MALRD1: variants seen among roughly 807,000 people sequenced by gnomAD.
The protein encoded by MALRD1 is MAM and LDL-receptor class A domain-containing protein 1.
In MALRD1, 247 loss-of-function variants were observed where a neutral mutation model predicts 242.1. The ratio of observed to expected loss-of-function variants is 1.02; its 90% CI spans 0.92 to 1.13. The LOEUF is 1.13. Among genes scored for constraint, MALRD1 ranks in the 50% most tolerant of loss-of-function variants. The probability of loss-of-function intolerance (pLI) is 0.00; values close to 1 mark genes in which losing one functional copy is unlikely to be tolerated. For synonymous variants in MALRD1, 995 were observed against 866.6 expected, an observed-to-expected ratio of 1.15 and a Z score of -2.60; for missense variants, 2,989 against 2,533.1, an observed-to-expected ratio of 1.18 and a Z score of -3.86.
At chr10:19,553,894 T>A (rs1007079775) in intron 32 of MALRD1, among the ~76,000 whole-genome samples, 3 of 152,188 alleles carry the variant, frequency 2.0e-5, no homozygotes, top group Admixed American at 6.6e-5. Flanking sequence ...CCAAGGTCCT[T>A]TCTAACTCTA....
At chr10:19,523,794 C>G (rs770124038) in intron 31 of MALRD1, among the ~76,000 whole-genome samples, 5 of 151,542 alleles carry the variant, frequency 3.3e-5, no homozygotes, top group Non-Finnish European at 7.4e-5. Flanking sequence ...CAACCAGAAG[C>G]TTCATTTTTG....
chr10:19,142,688 G>T (rs1833594070), intron 10 of MALRD1, among the ~76,000 whole-genome samples: 1 of 152,074 alleles, frequency 6.6e-6, no homozygotes, highest in Non-Finnish European at 1.5e-5. Context: ...CAAAATCATT[G>T]TTTTAATGAA....
At chr10:19,712,910 CA>C (rs1447732986) in intron 38 of MALRD1, among the ~76,000 whole-genome samples, 7 of 152,174 alleles carry the variant, frequency 4.6e-5, no homozygotes, top group Non-Finnish European at 1.0e-4. Context: ...GTCAATAGAA[CA>C]GAGCCACTCA....
rs372006890 is a variant in MALRD1, at chr10:19,108,540, G to A, written c.694+4465G>A. 1.4e-4 allele frequency among the ~76,000 whole-genome samples: 10 copies of A among 69,192 alleles called. 3 individuals are homozygous for A. The highest frequency in any genetic ancestry group is 8.0e-4 in the Admixed American group (5 of 6,270). The allele number at this position is 69,192 out of a possible 152,430, so 45.4% of individuals were successfully genotyped here. A position where few individuals can be genotyped will look rare whatever the true frequency, so the allele number is the denominator to read the frequency against. On this transcript the variant is annotated intron_variant, in intron 5 of 39. Coordinates refer to ENST00000454679, the MANE Select transcript of MALRD1 (RefSeq NM_001142308.3). ...CGCCATTCTCCTGCCTCAGCCTCCCGAGTAGCTGGGACTACAGGTGCCCGC... is the reference window on the plus strand; with the variant it reads ...CGCCATTCTCCTGCCTCAGCCTCCCAAGTAGCTGGGACTACAGGTGCCCGC...
At chr10:19,064,898 C>T (rs1340932094) in intron 1 of MALRD1, among the ~76,000 whole-genome samples, 1 of 151,912 alleles carries the variant, frequency 6.6e-6, no homozygotes, top group Non-Finnish European at 1.5e-5. Context: ...TGGAGCCATG[C>T]TTGTGGGGTG....
At chr10:19,426,804 A>G (rs1017391795) in intron 28 of MALRD1, among the ~76,000 whole-genome samples, 1 of 152,156 alleles carries the variant, frequency 6.6e-6, no homozygotes, top group Non-Finnish European at 1.5e-5. Context: ...CAAACAAACA[A>G]AAACATTCAG....
chr10:19,135,492 T>G (rs937876842), intron 9 of MALRD1, among the ~76,000 whole-genome samples: 2 of 152,194 alleles, frequency 1.3e-5, no homozygotes, highest in Non-Finnish European at 2.9e-5. Flanking sequence ...ATTCAGAAAC[T>G]TTAAGCTGGA....
At chr10:19,405,664 C>CA (rs1345000367) in intron 28 of MALRD1, among the ~76,000 whole-genome samples, 1 of 152,162 alleles carries the variant, frequency 6.6e-6, no homozygotes, top group African/African-American at 2.4e-5. Flanking sequence ...TGGCTGTACT[C>CA]AGAGTACAAA....
intron 36 of MALRD1, among the ~76,000 whole-genome samples, chr10:19,674,291 G>C (rs759531616): frequency 1.1e-4 from 17 of 152,132 alleles, no homozygotes; most frequent in Non-Finnish European, 1.9e-4. Context: ...CTAGTGCAAA[G>C]CCTAGCAAAT....
intron 32 of MALRD1, among the ~76,000 whole-genome samples, chr10:19,539,853 TGTGC>T (rs1197758193): frequency 5.4e-4 from 29 of 54,026 alleles, no homozygotes; most frequent in African/African-American, 1.9e-3. Flanking sequence ...CACCCAGCTT[TGTGC>T]GTGTGTGTGT....
intron 2 of MALRD1, among the ~76,000 whole-genome samples, chr10:19,072,555 G>T (rs1590389433): frequency 1.3e-5 from 2 of 151,978 alleles, no homozygotes; most frequent in East Asian, 3.9e-4. Flanking sequence ...CCCCGTGTCT[G>T]TTCAATATAA....
At chr10:19,115,491 A>T (rs953779756) in intron 5 of MALRD1, among the ~76,000 whole-genome samples, 3 of 152,178 alleles carry the variant, frequency 2.0e-5, no homozygotes, top group African/African-American at 7.2e-5. Context: ...GAACTTTACC[A>T]TATGTAAATT....
At chr10:19,563,396 C>T (rs1411944640) in intron 32 of MALRD1, among the ~76,000 whole-genome samples, 2 of 152,130 alleles carry the variant, frequency 1.3e-5, no homozygotes, top group African/African-American at 4.8e-5. Context: ...AACCCATAGG[C>T]AACTATGCAC....
chr10:19,281,963 C>CAAAAAAAA (rs149370838), intron 20 of MALRD1, among the ~76,000 whole-genome samples: 2 of 79,836 alleles, frequency 2.5e-5, no homozygotes, highest in Non-Finnish European at 4.7e-5. Flanking sequence ...ACGATGTCTC[C>CAAAAAAAA]AAAAAAAAAA....
intron 20 of MALRD1, among the ~76,000 whole-genome samples, chr10:19,280,691 C>T (rs546584371): frequency 9.2e-5 from 14 of 152,214 alleles, no homozygotes; most frequent in African/African-American, 3.4e-4. Context: ...CAAATGAGAC[C>T]TTTATCCCCT....
At chr10:19,482,745 T>C (rs758000251) in intron 29 of MALRD1, among the ~76,000 whole-genome samples, 8 of 150,534 alleles carry the variant, frequency 5.3e-5, no homozygotes, top group Non-Finnish European at 1.2e-4. Flanking sequence ...AGGTGAAAGA[T>C]ATCTGCAAGA....
At chr10:19,436,750 A>G (rs1051899597) in intron 28 of MALRD1, among the ~76,000 whole-genome samples, 3 of 152,172 alleles carry the variant, frequency 2.0e-5, no homozygotes, top group African/African-American at 4.8e-5. Flanking sequence ...TCTTCCTGGC[A>G]TACTTCAAAA....
At chr10:19,586,761 C>A (rs912155685) in intron 33 of MALRD1, among the ~76,000 whole-genome samples, 1 of 152,230 alleles carries the variant, frequency 6.6e-6, no homozygotes, top group African/African-American at 2.4e-5. Flanking sequence ...CACCCAGTTC[C>A]AGCTTCCTGG....
chr10:19,165,266 T>TATATATATATATATATATATATATATATA (rs1554801500), intron 12 of MALRD1, among the ~76,000 whole-genome samples: 68 of 116,196 alleles, frequency 5.9e-4, no homozygotes, highest in South Asian at 1.1e-3. Flanking sequence ...TATATATATA[T>TATATATATATATATATATATATATATATA]TTTGTTTTGT....
Sources: allele counts gnomAD v4.1 joint callset (sites outside exome capture counted in the v4.1 genomes callset), GRCh38; gene constraint gnomAD v4.1.1; transcripts MANE v1.5; gene names NCBI Gene and HGNC (gene_info 2026-07-23, HGNC 2026-07-21).